CSNK1A1: variants seen among roughly 807,000 people sequenced by gnomAD.
The protein encoded by CSNK1A1 is casein kinase 1 alpha 1.
In CSNK1A1, 7 loss-of-function variants were observed where a neutral mutation model predicts 46.1. The observed-to-expected ratio is 0.15, with a 90% CI of 0.09 to 0.29. The LOEUF (loss-of-function observed/expected upper bound fraction) is 0.29. Ranked by LOEUF, CSNK1A1 falls within the 10% of genes least tolerant of loss-of-function variation. The pLI is 1.00. For missense variants in CSNK1A1, 96 were observed against 417.1 expected (o/e 0.23, Z 6.71); for synonymous variants, 137 against 141.5 (o/e 0.97, Z 0.23).
At chr5:149,533,849 C>T (rs1761971764) in intron 2 of CSNK1A1, among the ~76,000 whole-genome samples, 1 of 152,140 alleles carries the variant, frequency 6.6e-6, no homozygotes, top group African/African-American at 2.4e-5. Context: ...TTATAGTCTT[C>T]ATAACACAAA....
At position 149,514,217 on chromosome 5, in the gene CSNK1A1, C is replaced by T. The variant is rs934058763; in HGVS notation, c.457-1008G>A. On this transcript the variant is annotated intron_variant, in intron 4 of 9. Transcript: ENST00000377843. ...AAAACTAGTGTTTAGAACAAAATAA[C>T]GTTTAGTGTTATCATGTCTATATGG... Among the ~76,000 whole-genome samples the T allele has an allele frequency of 5.9e-5, 9 of 152,180 alleles. No individual in the cohort carries two copies. In the South Asian group the frequency reaches 8.3e-4, roughly 14 times the overall value.
rs1214348575 is a variant in CSNK1A1, at chr5:149,496,319, A to C, written c.*534T>G. 1 of 153,238 alleles carries C rather than the reference A, an allele frequency of 6.5e-6. No individual in the cohort carries two copies. The highest frequency in any genetic ancestry group is 2.4e-5 in the African/African-American group (1 of 41,454). The allele number at this position is 153,238 out of a possible 1,614,324, so 9.5% of individuals were successfully genotyped here. On this transcript the variant is annotated 3_prime_UTR_variant, in exon 10 of 10. Transcript: ENST00000377843. ...TCAAACACTGGAATCTTTGGTTGCT[A>C]CCATATCAGCTGGCTTGCAGACAAG...
intron 2 of CSNK1A1, among the ~76,000 whole-genome samples, chr5:149,538,210 C>G (rs1317321901): frequency 6.6e-6 from 1 of 151,738 alleles, no homozygotes; most frequent in Non-Finnish European, 1.5e-5. Context: ...TTAGTAGAGA[C>G]GGGGTTTCTC....
At chr5:149,545,007 G>A (rs1297401775) in intron 2 of CSNK1A1, among the ~76,000 whole-genome samples, 6 of 150,902 alleles carry the variant, frequency 4.0e-5, no homozygotes, top group African/African-American at 7.3e-5. Flanking sequence ...GTGGCGGCGC[G>A]CCTGTAATCC....
chr5:149,539,041 C>G (rs1043213221), intron 2 of CSNK1A1, among the ~76,000 whole-genome samples: 4 of 152,054 alleles, frequency 2.6e-5, no homozygotes, highest in African/African-American at 9.7e-5. Context: ...TAAGACAGTT[C>G]TCTCCTTCAA....
intron 2 of CSNK1A1, among the ~76,000 whole-genome samples, chr5:149,534,256 C>T (rs977612517): frequency 5.9e-5 from 9 of 151,312 alleles, no homozygotes; most frequent in Admixed American, 1.3e-4. Context: ...CCAAGGCAGG[C>T]GAATCACAAG....
At chr5:149,503,214 C>T in intron 9 of CSNK1A1, 1 of 985,426 alleles carries the variant, frequency 1.0e-6, no homozygotes, top group Non-Finnish European at 1.2e-6. Context: ...TAAAGGATAA[C>T]TTGCTGGGCT....
At chr5:149,512,874 C>T (rs563093086) in intron 5 of CSNK1A1, among the ~76,000 whole-genome samples, 196 bp downstream of exon 5, 1 of 152,266 alleles carries the variant, frequency 6.6e-6, no homozygotes, top group Non-Finnish European at 1.5e-5. Context: ...CCTTCAACAA[C>T]AACAAAAAAT....
rs1297501355 is a variant in CSNK1A1 at position 149,544,756 on chromosome 5, T to TAC, written c.230+5318_230+5319insGT. ...AGAGCTTTATATATATATATATATA[T>TAC]ATATATATAGTTATTGACCAATCAT... On this transcript the variant is annotated intron_variant, in intron 2 of 9. Transcript: ENST00000377843. Among the ~76,000 whole-genome samples, 8 of 92,284 alleles carry TAC rather than the reference T, an allele frequency of 8.7e-5. 1 individual carries two copies. The highest frequency in any genetic ancestry group is 4.4e-5 in the Non-Finnish European group (2 of 45,216). The allele number at this position is 92,284 out of a possible 152,430, so 60.5% of individuals were successfully genotyped here. A position where few individuals can be genotyped will look rare whatever the true frequency, so the allele number is the denominator to read the frequency against.
rs190857231 is a variant in CSNK1A1, at chr5:149,513,757, G to A, written c.457-548C>T. Among the ~76,000 whole-genome samples the A allele has an allele frequency of 2.5e-3, 375 of 152,062 alleles. 1 individual carries two copies. Among genetic ancestry groups the A allele is most frequent in the Non-Finnish European group, 4.1e-3 (277 of 67,974 alleles). ...CTCTACAAAAAATACAAAAATAGCC[G>A]GGCATGGTGGCACATGCCTGTAGTC... On this transcript the variant is annotated intron_variant, in intron 4 of 9. Coordinates refer to ENST00000377843, the MANE Select transcript of CSNK1A1 (RefSeq NM_001892.6).
chr5:149,505,226 C>A (rs1760985186), intron 9 of CSNK1A1: 1 of 1,253,174 alleles, frequency 8.0e-7, no homozygotes, highest in Non-Finnish European at 1.0e-6. Flanking sequence ...AATATACACA[C>A]ATATATGTAT....
chr5:149,501,028 A>G (rs1760841084), intron 9 of CSNK1A1: 3 of 985,320 alleles, frequency 3.0e-6, no homozygotes, highest in Non-Finnish European at 3.6e-6. Context: ...TTTATAATTG[A>G]TTCTTTCCCC....
rs1451591908 is a variant in CSNK1A1, at chr5:149,550,527, C to A, written c.123+315G>T. 7.1e-6 allele frequency among the ~76,000 whole-genome samples: 1 copy of A among 140,806 alleles called. No homozygotes were observed. Among genetic ancestry groups the A allele is most frequent in the African/African-American group, 2.7e-5 (1 of 36,448 alleles). 92.4% of individuals were successfully genotyped at this position (140,806 alleles called of 152,430 possible). A position where few individuals can be genotyped will look rare whatever the true frequency, so the allele number is the denominator to read the frequency against. Reference sequence around the variant, plus strand: ...GAATTAAGAATTAAAAAAAAAAAAACATGGGAATCACTGAAAGAGGATTTT... The same window carrying A: ...GAATTAAGAATTAAAAAAAAAAAAAAATGGGAATCACTGAAAGAGGATTTT... On this transcript the variant is annotated intron_variant, in intron 1 of 9. Coordinates refer to ENST00000377843, the MANE Select transcript of CSNK1A1 (RefSeq NM_001892.6). This position sits in a 1 kb window ranked among gnomAD's most constrained non-coding sequence, Gnocchi z 4.3.
intron 2 of CSNK1A1, among the ~76,000 whole-genome samples, chr5:149,547,584 G>A (rs150264103): frequency 2.4e-4 from 37 of 151,998 alleles, no homozygotes; most frequent in Non-Finnish European, 1.8e-4. Context: ...ACCTCATATC[G>A]TATGATTCCA....
chr5:149,498,512 T>C, intron 9 of CSNK1A1: 1 of 985,314 alleles, frequency 1.0e-6, no homozygotes, highest in Non-Finnish European at 1.2e-6. Flanking sequence ...TTCAAGCTTC[T>C]TGTTTGGGAG....
intron 4 of CSNK1A1, 80 bp downstream of exon 4, chr5:149,520,209 TA>T: frequency 1.1e-6 from 1 of 880,504 alleles, no homozygotes; most frequent in Non-Finnish European, 1.8e-6. Flanking sequence ...TATGGCTTTT[TA>T]AAAGATTGAA....
chr5:149,502,928 C>G, intron 9 of CSNK1A1: 1 of 603,644 alleles, frequency 1.7e-6, no homozygotes. Context: ...GCCACCACAC[C>G]TGGCTAATTT....
chr5:149,548,553 T>C (rs1037563027), intron 2 of CSNK1A1, among the ~76,000 whole-genome samples: 1 of 134,242 alleles, frequency 7.4e-6, no homozygotes, highest in African/African-American at 2.9e-5. Context: ...GGCAACAGAG[T>C]AAGGCTCCGT....
At chr5:149,529,931 A>C (rs1374563805) in intron 2 of CSNK1A1, among the ~76,000 whole-genome samples, 2 of 152,162 alleles carry the variant, frequency 1.3e-5, no homozygotes, top group Non-Finnish European at 2.9e-5. Flanking sequence ...CTTCATGAAA[A>C]TGGGAGTATT....
Sources: allele counts gnomAD v4.1 joint callset (sites outside exome capture counted in the v4.1 genomes callset), GRCh38; gene constraint gnomAD v4.1.1; non-coding constraint Gnocchi (gnomAD v3.1); transcripts MANE v1.5; gene names NCBI Gene and HGNC (gene_info 2026-07-23, HGNC 2026-07-21).